Variants in LDAH observed in about 807,000 individuals in gnomAD.
LDAH encodes lipid droplet-associated hydrolase.
LDAH carries 26 observed loss-of-function variants against 29.6 expected under a neutral mutation model. The ratio of observed to expected loss-of-function variants is 0.88; its 90% CI spans 0.64 to 1.22. The LOEUF is 1.22. LDAH is among the 50% of genes most tolerant of loss of function. The pLI, the probability that LDAH is intolerant of heterozygous loss-of-function variation, is 0.00. For synonymous variants in LDAH, 117 were observed against 133.0 expected, an observed-to-expected ratio of 0.88 and a Z score of 0.83; for missense variants, 344 against 387.3, an observed-to-expected ratio of 0.89 and a Z score of 0.94.
rs1381754284 is a variant in LDAH, at chr2:20,685,562, A to G, written c.*1341T>C. 2.6e-6 allele frequency: 4 copies of G among 1,550,376 alleles called. No homozygotes were observed. The highest frequency in any genetic ancestry group is 1.4e-5 in the African/African-American group (1 of 73,054). ...CAGCACTTACCAATAAGTTGGCAGC[A>G]AATCAGAGCCAAATCTTTCATCAGG... On this transcript the variant is annotated 3_prime_UTR_variant, in exon 7 of 7. Coordinates refer to ENST00000237822, the MANE Select transcript of LDAH (RefSeq NM_021925.4).
At chr2:20,688,828 C>CTTTTTTTTTTTTTTTTTTTTTTTTTTT (rs57543886) in intron 6 of LDAH, among the ~76,000 whole-genome samples, 1 of 112,020 alleles carries the variant, frequency 8.9e-6, no homozygotes, top group Non-Finnish European at 1.8e-5. Flanking sequence ...TGGAGGTTTC[C>CTTTTTTTTTTTTTTTTTTTTTTTTTTT]TTTTTTTTTT....
intron 2 of LDAH, among the ~76,000 whole-genome samples, chr2:20,800,224 C>T (rs546747557): frequency 3.3e-5 from 5 of 152,128 alleles, no homozygotes; most frequent in African/African-American, 1.2e-4. Flanking sequence ...CTCATAAAAC[C>T]CTGAAGTCTT....
intron 4 of LDAH, 146 bp from the exon 5 acceptor site, chr2:20,740,351 C>T: frequency 1.6e-6 from 1 of 634,618 alleles, no homozygotes; most frequent in Non-Finnish European, 2.8e-6. Context: ...CCACTCACCA[C>T]CCTCTCAGCC....
chr2:20,768,602 T>C (rs185923777), intron 4 of LDAH, among the ~76,000 whole-genome samples: 117 of 152,274 alleles, frequency 7.7e-4, no homozygotes, highest in African/African-American at 2.7e-3. Context: ...GAGCTGAGCA[T>C]AGCCTGTCAG....
intron 5 of LDAH, among the ~76,000 whole-genome samples, chr2:20,735,679 T>A (rs1454943630): frequency 6.6e-6 from 1 of 152,176 alleles, no homozygotes; most frequent in African/African-American, 2.4e-5. Context: ...TTGAGTATTA[T>A]GTTATGAGAT....
At chr2:20,710,252 C>T (rs1053645154) in intron 5 of LDAH, among the ~76,000 whole-genome samples, 1 of 152,016 alleles carries the variant, frequency 6.6e-6, no homozygotes, top group Non-Finnish European at 1.5e-5. Context: ...AGAGAGGTGA[C>T]ATCTCTGCAG....
intron 5 of LDAH, among the ~76,000 whole-genome samples, chr2:20,701,857 C>T (rs1663966381): frequency 6.6e-6 from 1 of 152,234 alleles, no homozygotes; most frequent in Non-Finnish European, 1.5e-5. Context: ...AAAGAACCTT[C>T]TTCCAACCTC....
intron 5 of LDAH, among the ~76,000 whole-genome samples, chr2:20,736,261 G>A (rs958066269): frequency 6.6e-6 from 1 of 152,108 alleles, no homozygotes; most frequent in African/African-American, 2.4e-5. Flanking sequence ...GGCCAATATG[G>A]TGAAACCCCA....
intron 3 of LDAH, among the ~76,000 whole-genome samples, chr2:20,780,313 T>C (rs1221591091): frequency 6.6e-6 from 1 of 152,120 alleles, no homozygotes; most frequent in South Asian, 2.1e-4. Context: ...TCCACTTGAC[T>C]AAAACCAATT....
intron 5 of LDAH, among the ~76,000 whole-genome samples, chr2:20,705,213 G>A (rs1045684701): frequency 5.3e-5 from 8 of 152,198 alleles, no homozygotes; most frequent in African/African-American, 1.7e-4. Context: ...TTACCCTCAA[G>A]TTTATTATCT....
chr2:20,815,652 T>A (rs1672796744), intron 1 of LDAH, among the ~76,000 whole-genome samples: 1 of 152,062 alleles, frequency 6.6e-6, no homozygotes, highest in South Asian at 2.1e-4. Context: ...GAAAAAGAAC[T>A]GTCAAGGCCA....
chr2:20,735,957 G>A (rs1304504886), intron 5 of LDAH, among the ~76,000 whole-genome samples: 1 of 152,082 alleles, frequency 6.6e-6, no homozygotes, highest in African/African-American at 2.4e-5. Context: ...CCCCATTACT[G>A]CAGGGCAGTG....
At chr2:20,716,398 TAAA>T (rs1482957055) in intron 5 of LDAH, among the ~76,000 whole-genome samples, 1 of 151,924 alleles carries the variant, frequency 6.6e-6, no homozygotes, top group Non-Finnish European at 1.5e-5. Flanking sequence ...TATGCAGCCA[TAAA>T]GAAGGATGAG....
At chr2:20,805,080 A>T (rs959447253) in intron 1 of LDAH, among the ~76,000 whole-genome samples, 3 of 152,214 alleles carry the variant, frequency 2.0e-5, no homozygotes, top group African/African-American at 7.2e-5. Flanking sequence ...ACCAGAAGAG[A>T]ATTTAAAGTT....
intron 1 of LDAH, among the ~76,000 whole-genome samples, chr2:20,803,039 T>C (rs956930743): frequency 4.6e-5 from 7 of 152,170 alleles, no homozygotes; most frequent in African/African-American, 1.7e-4. Flanking sequence ...TAGAGACAAT[T>C]TGCCCTCAGA....
intron 3 of LDAH, among the ~76,000 whole-genome samples, chr2:20,784,865 C>G (rs1001422651): frequency 1.3e-5 from 2 of 151,516 alleles, no homozygotes; most frequent in African/African-American, 4.9e-5. Context: ...CCAGCCTGGG[C>G]GAGAGAGTGA....
intron 5 of LDAH, among the ~76,000 whole-genome samples, chr2:20,720,712 CAT>C (rs1665586548): frequency 1.3e-5 from 2 of 152,184 alleles, no homozygotes; most frequent in African/African-American, 4.8e-5. Flanking sequence ...AAGCTGGAAG[CAT>C]CATACTACCT....
chr2:20,736,784 A>G (rs565025748), intron 5 of LDAH, among the ~76,000 whole-genome samples: 1 of 152,168 alleles, frequency 6.6e-6, no homozygotes, highest in Non-Finnish European at 1.5e-5. Flanking sequence ...TCTTGTGTGC[A>G]GTGCTTTTCT....
chr2:20,815,529 C>G (rs1672790993), intron 1 of LDAH, among the ~76,000 whole-genome samples: 1 of 151,908 alleles, frequency 6.6e-6, no homozygotes, highest in African/African-American at 2.4e-5. Flanking sequence ...TCAAAAGCAG[C>G]CAAAGAGAAA....
Sources: gnomAD v4.1 joint callset for allele counts (sites outside exome capture counted in the v4.1 genomes callset) on GRCh38, gnomAD v4.1.1 for gene constraint, MANE v1.5 for transcripts, NCBI Gene and HGNC (gene_info 2026-07-23, HGNC 2026-07-21) for gene names.